ACYP2: variants seen among roughly 807,000 people sequenced by gnomAD.
ACYP2 encodes acylphosphatase 2.
ACYP2 carries 12 observed loss-of-function variants against 11.2 expected under a neutral mutation model. The observed-to-expected ratio is 1.08, with a 90% CI of 0.69 to 1.74. The LOEUF (loss-of-function observed/expected upper bound fraction) is 1.74, where lower values mean the gene tolerates loss of function less well. ACYP2 is among the 40% of genes most tolerant of loss of function. The pLI, the probability that ACYP2 is intolerant of heterozygous loss-of-function variation, is 0.00. For synonymous variants in ACYP2, 43 were observed against 32.2 expected (o/e 1.33, Z -1.13); for missense variants, 134 against 101.9 (o/e 1.31, Z -1.35).
intron 2 of ACYP2, among the ~76,000 whole-genome samples, chr2:54,041,484 GCCAGGGA>G (rs1033103620): frequency 6.6e-6 from 1 of 152,168 alleles, no homozygotes; most frequent in African/African-American, 2.4e-5. Context: ...GAATAAAAGG[GCCAGGGA>G]AATTCAGTGT....
chr2:54,261,715 C>T (rs935219744), intron 6 of ACYP2, among the ~76,000 whole-genome samples: 24 of 152,178 alleles, frequency 1.6e-4, no homozygotes, highest in Non-Finnish European at 2.5e-4. Context: ...ACATACAGAA[C>T]TATTTTTCTT....
intron 2 of ACYP2, among the ~76,000 whole-genome samples, chr2:54,019,607 CT>C (rs902176208): frequency 9.9e-5 from 13 of 130,780 alleles, no homozygotes; most frequent in Non-Finnish European, 1.5e-4. Flanking sequence ...GGCCCCTGTG[CT>C]TTTATTATTA....
intron 6 of ACYP2, among the ~76,000 whole-genome samples, chr2:54,190,705 C>G (rs1475625995): frequency 6.6e-6 from 1 of 152,060 alleles, no homozygotes; most frequent in African/African-American, 2.4e-5. Flanking sequence ...TCTACAGTTC[C>G]ATGGCTTTCA....
chr2:54,102,799 A>T (rs1678970636), intron 4 of ACYP2, among the ~76,000 whole-genome samples: 1 of 152,040 alleles, frequency 6.6e-6, no homozygotes, highest in Non-Finnish European at 1.5e-5. Flanking sequence ...TGTTGGCTTC[A>T]TTCTGAGGCA....
chr2:54,075,129 T>C (rs1207010984), intron 4 of ACYP2, among the ~76,000 whole-genome samples: 1 of 152,176 alleles, frequency 6.6e-6, no homozygotes, highest in African/African-American at 2.4e-5. Flanking sequence ...CTATTCACAA[T>C]AAAAGTTCAA....
chr2:54,235,213 G>A (rs843664), intron 6 of ACYP2, among the ~76,000 whole-genome samples: 36,689 of 151,962 alleles, frequency 0.24, 4,692 homozygotes, highest in South Asian at 0.37. Context: ...TGTAAGATGA[G>A]CTGAGGATGG....
intron 2 of ACYP2, among the ~76,000 whole-genome samples, chr2:54,037,518 C>T (rs779574856): frequency 9.2e-5 from 14 of 152,218 alleles, no homozygotes; most frequent in Non-Finnish European, 1.9e-4. Flanking sequence ...TCGAGCAATC[C>T]AACCACCTCT....
intron 2 of ACYP2, among the ~76,000 whole-genome samples, chr2:54,028,491 C>T (rs1674411590): frequency 6.6e-6 from 1 of 152,096 alleles, no homozygotes; most frequent in African/African-American, 2.4e-5. Context: ...CTGAAGTTCC[C>T]TCATCTACTT....
At chr2:54,200,993 C>G (rs1684727918) in intron 6 of ACYP2, among the ~76,000 whole-genome samples, 1 of 152,102 alleles carries the variant, frequency 6.6e-6, no homozygotes, top group Non-Finnish European at 1.5e-5. Flanking sequence ...TTGTATTTCC[C>G]TGGCGGCTGA....
intron 6 of ACYP2, among the ~76,000 whole-genome samples, chr2:54,176,445 T>G (rs1048197662): frequency 6.6e-5 from 10 of 152,224 alleles, no homozygotes; most frequent in Non-Finnish European, 1.5e-4. Context: ...TCATACCAGC[T>G]GTGGACTGCT....
chr2:54,293,248 T>C (rs915155563), intron 6 of ACYP2, among the ~76,000 whole-genome samples: 2 of 152,186 alleles, frequency 1.3e-5, no homozygotes, highest in Non-Finnish European at 2.9e-5. Context: ...TGCCAGCACC[T>C]ATTCTGTTCC....
intron 2 of ACYP2, among the ~76,000 whole-genome samples, chr2:54,025,782 A>G (rs1674251772): frequency 6.6e-6 from 1 of 152,190 alleles, no homozygotes; most frequent in African/African-American, 2.4e-5. Flanking sequence ...GCACAGCAAA[A>G]GAAATAATCA....
chr2:54,223,511 T>C (rs1339945616), intron 6 of ACYP2, among the ~76,000 whole-genome samples: 3 of 152,198 alleles, frequency 2.0e-5, no homozygotes, highest in Non-Finnish European at 4.4e-5. Flanking sequence ...ACTTGATATG[T>C]TTATGAGCCC....
intron 2 of ACYP2, among the ~76,000 whole-genome samples, chr2:54,038,034 T>C (rs1675005927): frequency 6.6e-6 from 1 of 152,224 alleles, no homozygotes; most frequent in Non-Finnish European, 1.5e-5. Flanking sequence ...CAATTTAATA[T>C]TCAGTGTTAC....
At chr2:54,253,651 CCT>C (rs1185152416) in intron 6 of ACYP2, 1 of 152,256 alleles carries the variant, frequency 6.6e-6, no homozygotes, top group African/African-American at 2.4e-5. Flanking sequence ...CCGATTTTCC[CCT>C]GAATCATTTC....
At chr2:54,259,302 A>G (rs921230322) in intron 6 of ACYP2, among the ~76,000 whole-genome samples, 1 of 152,190 alleles carries the variant, frequency 6.6e-6, no homozygotes, top group African/African-American at 2.4e-5. Context: ...AGCTCAGGAG[A>G]GGTCTGAGAT....
intron 6 of ACYP2, among the ~76,000 whole-genome samples, chr2:54,273,172 A>T (rs1688391209): frequency 2.6e-5 from 4 of 152,188 alleles, no homozygotes. Flanking sequence ...GTCTGTCCAA[A>T]CCCAATTTTG....
intron 6 of ACYP2, among the ~76,000 whole-genome samples, chr2:54,198,504 G>A (rs1045370906): frequency 7.3e-5 from 11 of 151,482 alleles, no homozygotes; most frequent in African/African-American, 2.7e-4. Context: ...AGGGGGAAGA[G>A]AGTACTATTA....
intron 4 of ACYP2, among the ~76,000 whole-genome samples, chr2:54,120,404 A>G (rs1409732406): frequency 5.9e-5 from 9 of 152,196 alleles, no homozygotes. Context: ...TGAAAGGGAA[A>G]TTGATTATGC....
Sources: allele counts gnomAD v4.1 joint callset (sites outside exome capture counted in the v4.1 genomes callset), GRCh38; gene constraint gnomAD v4.1.1; transcripts MANE v1.5; gene names NCBI Gene and HGNC (gene_info 2026-07-23, HGNC 2026-07-21).